Variants in AGBL1 observed in about 807,000 individuals in gnomAD.
AGBL1 encodes cytosolic carboxypeptidase 4.
Under a neutral mutation model 118.9 loss-of-function variants are expected in AGBL1, and 130 were observed. The ratio of observed to expected loss-of-function variants is 1.09; its 90% confidence interval spans 0.95 to 1.26. AGBL1 has a LOEUF of 1.26. Ranked by LOEUF, AGBL1 falls within the 50% of genes most tolerant of loss-of-function variation. AGBL1 has a pLI of 0.00. For synonymous variants in AGBL1, 555 were observed against 478.9 expected (o/e 1.16, Z -2.08); for missense variants, 1,584 against 1,298.1 (o/e 1.22, Z -3.38).
At chr15:86,495,913 G>C (rs1372995438) in intron 18 of AGBL1, among the ~76,000 whole-genome samples, 3 of 150,680 alleles carry the variant, frequency 2.0e-5, no homozygotes, top group African/African-American at 7.3e-5. Context: ...ATATCTCCTT[G>C]GAACTATTTT....
At chr15:86,512,724 AT>A (rs1184325707) in intron 18 of AGBL1, among the ~76,000 whole-genome samples, 1 of 151,700 alleles carries the variant, frequency 6.6e-6, no homozygotes, top group Non-Finnish European at 1.5e-5. Context: ...AATCCTTGTT[AT>A]CTTTTTCTAC....
chr15:86,704,035 G>A (rs2086405410), intron 22 of AGBL1, among the ~76,000 whole-genome samples: 1 of 152,130 alleles, frequency 6.6e-6, no homozygotes, highest in Admixed American at 6.5e-5. Flanking sequence ...AATAAGCAAT[G>A]AGAAAAGGAT....
chr15:86,915,140 G>A lies in AGBL1; in HGVS notation c.*7846G>A, dbSNP rs1043266917. 1 of 152,144 alleles carries A rather than the reference G, an allele frequency of 6.6e-6. No homozygotes were observed. Among genetic ancestry groups the A allele is most frequent in the African/African-American group, 2.4e-5 (1 of 41,442 alleles). The allele number at this position is 152,144 out of a possible 1,614,324, so 9.4% of individuals were successfully genotyped here. A position where few individuals can be genotyped will look rare whatever the true frequency, so the allele number is the denominator to read the frequency against. Reference sequence around the variant, plus strand: ...ATCTTAGCTTTGGTTGGAGTCCAAAGCTAAGAATCAGACTCGGTAACACTG... The same window carrying A: ...ATCTTAGCTTTGGTTGGAGTCCAAAACTAAGAATCAGACTCGGTAACACTG... On this transcript the variant is annotated 3_prime_UTR_variant, in exon 23 of 23. Coordinates refer to ENST00000614907, the MANE Select transcript of AGBL1 (RefSeq NM_001386094.1).
At chr15:86,381,986 A>T (rs1160522289) in intron 17 of AGBL1, among the ~76,000 whole-genome samples, 1 of 152,196 alleles carries the variant, frequency 6.6e-6, no homozygotes, top group African/African-American at 2.4e-5. Flanking sequence ...AATATCCAAA[A>T]GGTATTTAGG....
intron 23 of AGBL1, among the ~76,000 whole-genome samples, chr15:86,963,783 G>A (rs2081018123): frequency 2.0e-5 from 3 of 151,768 alleles, no homozygotes; most frequent in South Asian, 4.2e-4. Flanking sequence ...TGATTTTTCT[G>A]AACAATGGTC....
chr15:86,199,801 C>A (rs1419324046), intron 5 of AGBL1, among the ~76,000 whole-genome samples: 1 of 152,158 alleles, frequency 6.6e-6, no homozygotes, highest in African/African-American at 2.4e-5. Context: ...AAAATTATTT[C>A]TCATAATTTA....
rs1275394169 is a variant in AGBL1 at position 86,095,646 on chromosome 15, CCTTTTTTTTT to C, written c.51+15624_51+15633del. Among the ~76,000 whole-genome samples, 4 of 116,684 alleles carry C rather than the reference CCTTTTTTTTT, an allele frequency of 3.4e-5. No individual in the cohort carries two copies. In the Admixed American group the frequency reaches 3.8e-4, roughly 11 times the overall value. 76.5% of individuals were successfully genotyped at this position (116,684 alleles called of 152,430 possible). ...TCATAATGTCACATGACCTTGGATA[CCTTTTTTTTT>C]TTTTTTTTTTTTTTTTTTTACCTTA... On this transcript the variant is annotated intron_variant, in intron 1 of 22. Transcript: ENST00000614907.
intron 22 of AGBL1, among the ~76,000 whole-genome samples, chr15:86,748,599 G>C (rs974753445): frequency 1.6e-5 from 2 of 127,964 alleles, no homozygotes; most frequent in African/African-American, 5.8e-5. Context: ...CCTATGTCCT[G>C]AATGGTAATG....
chr15:86,125,070 C>G (rs1898334830), intron 1 of AGBL1, among the ~76,000 whole-genome samples: 1 of 152,186 alleles, frequency 6.6e-6, no homozygotes, highest in Non-Finnish European at 1.5e-5. Flanking sequence ...CAACCCACAT[C>G]CACTTTGTGA....
chr15:86,894,570 G>A (rs2141564940), intron 22 of AGBL1, among the ~76,000 whole-genome samples: 1 of 152,236 alleles, frequency 6.6e-6, no homozygotes, highest in South Asian at 2.1e-4. Flanking sequence ...GTGTGAGGCT[G>A]TTTATGAGAA....
intron 24 of AGBL1, among the ~76,000 whole-genome samples, chr15:86,989,512 G>C (rs1274962171): frequency 6.6e-6 from 1 of 151,948 alleles, no homozygotes; most frequent in Non-Finnish European, 1.5e-5. Context: ...CTTTTAATCT[G>C]CTAAGATGGG....
chr15:86,200,472 A>G (rs949702637), intron 5 of AGBL1, among the ~76,000 whole-genome samples: 1 of 150,054 alleles, frequency 6.7e-6, no homozygotes, highest in African/African-American at 2.5e-5. Flanking sequence ...GATGTTTCCC[A>G]TGCTTTATTG....
At chr15:86,095,702 T>C (rs1047080932) in intron 1 of AGBL1, among the ~76,000 whole-genome samples, 1 of 143,684 alleles carries the variant, frequency 7.0e-6, no homozygotes, top group Non-Finnish European at 1.5e-5. Context: ...CAGAAGATAC[T>C]GCTGAGAGCT....
At chr15:86,376,483 G>C (rs966485695) in intron 17 of AGBL1, among the ~76,000 whole-genome samples, 9 of 152,212 alleles carry the variant, frequency 5.9e-5, no homozygotes, top group Non-Finnish European at 1.3e-4. Flanking sequence ...TTGAAATGCA[G>C]AGATTCTGCT....
chr15:86,132,778 G>A (rs946427699), intron 1 of AGBL1, among the ~76,000 whole-genome samples: 1 of 152,116 alleles, frequency 6.6e-6, no homozygotes, highest in Admixed American at 6.6e-5. Context: ...AATTGTTTCT[G>A]CCCAGAGCAT....
chr15:86,136,410 G>A (rs1201976296), intron 1 of AGBL1, among the ~76,000 whole-genome samples: 2 of 152,144 alleles, frequency 1.3e-5, no homozygotes, highest in East Asian at 3.9e-4. Flanking sequence ...TCACTTGGTG[G>A]GGCACCAATC....
chr15:86,706,995 C>G (rs936079538), intron 22 of AGBL1, among the ~76,000 whole-genome samples: 1 of 152,018 alleles, frequency 6.6e-6, no homozygotes, highest in Non-Finnish European at 1.5e-5. Context: ...AAGAGATGGA[C>G]TTTGCATTTA....
At chr15:86,781,310 C>T (rs2078332824) in intron 22 of AGBL1, among the ~76,000 whole-genome samples, 1 of 152,094 alleles carries the variant, frequency 6.6e-6, no homozygotes, top group South Asian at 2.1e-4. Context: ...TAGGGTTAAT[C>T]AATTTTATTT....
At chr15:86,152,163 A>T (rs2077121246) in intron 3 of AGBL1, among the ~76,000 whole-genome samples, 1 of 111,954 alleles carries the variant, frequency 8.9e-6, no homozygotes, top group African/African-American at 4.6e-5. Context: ...ATTGGAAAAA[A>T]CTATTTTTAA....
Sources: gnomAD v4.1 joint callset for allele counts (sites outside exome capture counted in the v4.1 genomes callset) on GRCh38, gnomAD v4.1.1 for gene constraint, MANE v1.5 for transcripts, NCBI Gene and HGNC (gene_info 2026-07-23, HGNC 2026-07-21) for gene names.